The following PEAK1 variants were observed in gnomAD, a reference collection of about 807,000 sequenced individuals.
The protein encoded by PEAK1 is pseudopodium enriched atypical kinase 1, also known as inactive tyrosine-protein kinase PEAK1.
PEAK1 carries 54 observed loss-of-function variants against 124.7 expected under a neutral mutation model. The ratio of observed to expected loss-of-function variants is 0.43; its 90% CI spans 0.35 to 0.54. The LOEUF (loss-of-function observed/expected upper bound fraction) is 0.54. Among genes scored for constraint, PEAK1 ranks in the 20% least tolerant of loss-of-function variants. PEAK1 has a pLI of 0.01. For synonymous variants in PEAK1, 719 were observed against 760.0 expected, an observed-to-expected ratio of 0.95 and a Z score of 0.89; for missense variants, 2,046 against 2,134.5, an observed-to-expected ratio of 0.96 and a Z score of 0.82.
At chr15:77,348,054 C>G (rs2066976311) in intron 2 of PEAK1, 1 of 985,080 alleles carries the variant, frequency 1.0e-6, no homozygotes, top group South Asian at 4.7e-5. Context: ...AATATATGCA[C>G]TTTTCTACAA....
exon 7 of PEAK1, chr15:77,102,975 T>C (rs2050709262): frequency 6.6e-6 from 1 of 152,248 alleles, no homozygotes; most frequent in South Asian, 2.1e-4. Flanking sequence ...TGTGCATCTT[T>C]TATACTTCTC....
chr15:77,281,024 G>A (rs1032556871), intron 5 of PEAK1, among the ~76,000 whole-genome samples: 2 of 152,036 alleles, frequency 1.3e-5, no homozygotes, highest in African/African-American at 2.4e-5. Context: ...GCCAGGTGGG[G>A]TGACACCGGT....
rs1022273126 is a variant in PEAK1, at chr15:77,108,639, T to C, written c.*5517A>G. On this transcript the variant is annotated 3_prime_UTR_variant, in exon 10 of 10. Transcript: ENST00000682557. ...TATGTCTGGTTCAACATTCAAGTTA[T>C]CATGAGTGCGGACACACACATACTA... 6.6e-6 allele frequency: 1 copy of C among 152,190 alleles called. No homozygotes were observed. Among genetic ancestry groups the C allele is most frequent in the African/African-American group, 2.4e-5 (1 of 41,444 alleles). The allele number at this position is 152,190 out of a possible 1,614,324, so 9.4% of individuals were successfully genotyped here. A position where few individuals can be genotyped will look rare whatever the true frequency, so the allele number is the denominator to read the frequency against.
intron 1 of PEAK1, among the ~76,000 whole-genome samples, chr15:77,378,193 T>C (rs1354310984): frequency 3.1e-5 from 4 of 129,460 alleles, no homozygotes; most frequent in Non-Finnish European, 7.1e-5. Context: ...CAATATTATA[T>C]ATATATATAT....
At chr15:77,323,049 T>C (rs1449459853) in intron 2 of PEAK1, among the ~76,000 whole-genome samples, 3 of 152,074 alleles carry the variant, frequency 2.0e-5, no homozygotes, top group Non-Finnish European at 2.9e-5. Flanking sequence ...ATTATCTCAA[T>C]AGATGCAGAA....
chr15:77,372,273 T>C (rs1385683347), intron 1 of PEAK1, among the ~76,000 whole-genome samples: 1 of 152,208 alleles, frequency 6.6e-6, no homozygotes, highest in East Asian at 1.9e-4. Context: ...ACATACTTGC[T>C]CCTGACAATC....
intron 6 of PEAK1, among the ~76,000 whole-genome samples, chr15:77,231,349 G>C (rs1369347808): frequency 6.6e-6 from 1 of 152,102 alleles, no homozygotes; most frequent in East Asian, 1.9e-4. Context: ...CAATAAAAAA[G>C]GAATCTCTAC....
chr15:77,378,211 T>C (rs919895006), intron 1 of PEAK1, among the ~76,000 whole-genome samples: 2 of 147,140 alleles, frequency 1.4e-5, no homozygotes. Flanking sequence ...TATATATACA[T>C]AATCCCATAA....
At chr15:77,254,004 G>T (rs538857975) in intron 5 of PEAK1, among the ~76,000 whole-genome samples, 59 of 152,150 alleles carry the variant, frequency 3.9e-4, no homozygotes, top group Non-Finnish European at 6.6e-4. Context: ...ATTTTTAGTA[G>T]AGACAGCATT....
At chr15:77,124,975 C>T (rs2052248713) in intron 9 of PEAK1, among the ~76,000 whole-genome samples, 1 of 152,210 alleles carries the variant, frequency 6.6e-6, no homozygotes. Flanking sequence ...CCACTCTGAA[C>T]TTTCATTATA....
intron 5 of PEAK1, among the ~76,000 whole-genome samples, chr15:77,257,567 T>C (rs2152932693): frequency 6.6e-6 from 1 of 151,796 alleles, no homozygotes. Context: ...CACTTTTTGA[T>C]GGGGTTGTTT....
At chr15:77,404,132 G>A in intron 1 of PEAK1, 1 of 984,988 alleles carries the variant, frequency 1.0e-6, no homozygotes, top group Non-Finnish European at 1.2e-6. Context: ...TTTAACACTT[G>A]TGTGACATGA....
intron 2 of PEAK1, among the ~76,000 whole-genome samples, chr15:77,288,004 A>G (rs1567215033): frequency 6.6e-6 from 1 of 152,208 alleles, no homozygotes. Context: ...CCAAATCAGT[A>G]ACCTAACTCA....
chr15:77,119,069 T>C (rs2051666552), intron 9 of PEAK1, among the ~76,000 whole-genome samples: 1 of 152,250 alleles, frequency 6.6e-6, no homozygotes, highest in South Asian at 2.1e-4. Context: ...TGAATCTTCT[T>C]GTAAAATACA....
intron 9 of PEAK1, among the ~76,000 whole-genome samples, chr15:77,120,718 C>T (rs1193751118): frequency 6.6e-6 from 1 of 152,228 alleles, no homozygotes; most frequent in Non-Finnish European, 1.5e-5. Context: ...CTGGTATTTC[C>T]TCCTTATTTA....
Position 77,286,421 on chromosome 15 carries a change from A to G in PEAK1, c.-521+2T>C. The G allele has an allele frequency of 8.3e-7, 1 of 1,212,100 alleles. No homozygotes were observed. The highest frequency in any genetic ancestry group is 1.0e-6 in the Non-Finnish European group (1 of 970,374). The allele number at this position is 1,212,100 out of a possible 1,614,324, so 75.1% of individuals were successfully genotyped here. On this transcript the variant is annotated splice_donor_variant, in intron 3 of 9. Transcript: ENST00000682557. LOFTEE classifies it low-confidence loss of function (5UTR_SPLICE). ...TACATTATGGAAAGAAAAAGTACAA[A>G]CCTGGTTTAATTGGCTCCAACTCTG... is the stretch of plus-strand genomic sequence containing the variant.
At chr15:77,232,314 AACACACAC>A (rs3071161) in intron 6 of PEAK1, among the ~76,000 whole-genome samples, 2 of 150,022 alleles carry the variant, frequency 1.3e-5, no homozygotes, top group South Asian at 2.1e-4. Flanking sequence ...AGTGTCAGGA[AACACACAC>A]ACACACACAC....
At chr15:77,227,752 C>T (rs11630689) in intron 6 of PEAK1, among the ~76,000 whole-genome samples, 99,542 of 151,902 alleles carry the variant, frequency 0.66, 33,574 homozygotes, top group Non-Finnish European at 0.75. Context: ...AATCCCAGCA[C>T]TATGGGAGGC....
At chr15:77,222,414 T>G (rs1193234476) in intron 6 of PEAK1, among the ~76,000 whole-genome samples, 1 of 152,008 alleles carries the variant, frequency 6.6e-6, no homozygotes, top group Non-Finnish European at 1.5e-5. Flanking sequence ...ACTATCCAAG[T>G]GTTTCATATA....
Sources: allele counts gnomAD v4.1 joint callset (sites outside exome capture counted in the v4.1 genomes callset), GRCh38; gene constraint gnomAD v4.1.1; transcripts MANE v1.5; gene names NCBI Gene and HGNC (gene_info 2026-07-23, HGNC 2026-07-21).